FLT1: variants seen among roughly 807,000 people sequenced by gnomAD.
FLT1 encodes the protein fms related receptor tyrosine kinase 1.
A neutral mutation model predicts 156.3 loss-of-function variants in FLT1; 49 were observed. That is an observed-to-expected ratio of 0.31 (90% CI 0.25 to 0.40). FLT1 has a LOEUF of 0.40. FLT1 is among the 10% of genes least tolerant of loss of function. The probability of loss-of-function intolerance (pLI) is 1.00; values close to 1 mark genes in which losing one functional copy is unlikely to be tolerated. For missense variants in FLT1, 1,322 were observed against 1,637.2 expected (o/e 0.81, Z 3.32); for synonymous variants, 594 against 583.8 (o/e 1.02, Z -0.25).
At chr13:28,353,572 C>CAAAAA (rs34155046) in intron 15 of FLT1, among the ~76,000 whole-genome samples, 1 of 123,486 alleles carries the variant, frequency 8.1e-6, no homozygotes. Flanking sequence ...GACTGTGTCT[C>CAAAAA]AAAAAAAAAA....
intron 20 of FLT1, 75 bp downstream of exon 20, chr13:28,327,387 C>T: frequency 1.1e-6 from 1 of 901,266 alleles, no homozygotes; most frequent in Non-Finnish European, 1.9e-6. Context: ...ACAGGTTTCT[C>T]TTGCTTTATG....
chr13:28,479,592 C>G (rs757457272), intron 1 of FLT1, among the ~76,000 whole-genome samples: 3 of 152,116 alleles, frequency 2.0e-5, no homozygotes, highest in Non-Finnish European at 2.9e-5. Flanking sequence ...AAAAGTAATC[C>G]ATTAAAAGTA....
intron 29 of FLT1, 125 bp from the exon 30 acceptor site, chr13:28,303,493 C>CA: frequency 6.2e-6 from 2 of 321,400 alleles, no homozygotes; most frequent in Admixed American, 5.8e-5. Flanking sequence ...GGTTTTGGAA[C>CA]CCCCCCCCCC....
chr13:28,384,408 C>T (rs1885101146), intron 14 of FLT1, among the ~76,000 whole-genome samples: 1 of 138,610 alleles, frequency 7.2e-6, no homozygotes, highest in Non-Finnish European at 1.5e-5. Flanking sequence ...AAGATGGTGT[C>T]ACTGTACTCC....
rs1424677085 is a variant in FLT1, at chr13:28,329,716, G to T, written c.2606C>A (p.Ala869Asp). The stretch of plus-strand genomic sequence containing the variant: ...AGTCATCAGAGCTTTGTACTCGCTG[G>T]CCGTGGCCCCCTCTGTGTGAGAAGC... ...AVKMLKEGATASEYKALMTEL... is the reference protein window; with the variant it reads ...AVKMLKEGATDSEYKALMTEL... The change falls in exon 19 of 30, where the codon GCC (alanine) becomes GAC (aspartate). Residue 869 changes from alanine (A) to aspartate (D), a missense_variant. By Grantham distance (126) the Ala-to-Asp change is moderately radical (BLOSUM62 -2). Transcript: ENST00000282397. 7.4e-6 allele frequency: 12 copies of T among 1,613,800 alleles called. No homozygotes were observed. Among genetic ancestry groups the T allele is most frequent in the Non-Finnish European group, 9.3e-6 (11 of 1,179,854 alleles).
intron 25 of FLT1, among the ~76,000 whole-genome samples, chr13:28,313,635 G>C (rs866824916): frequency 4.6e-5 from 7 of 152,140 alleles, no homozygotes; most frequent in African/African-American, 1.4e-4. Context: ...AAAGAAGTCA[G>C]ACTGGTCTCC....
intron 3 of FLT1, among the ~76,000 whole-genome samples, chr13:28,450,323 G>C (rs1285785456): frequency 6.6e-6 from 1 of 152,212 alleles, no homozygotes; most frequent in Non-Finnish European, 1.5e-5. Context: ...ATCTCAGTGA[G>C]AGTGGAATGC....
chr13:28,443,466 A>T lies in FLT1; in HGVS notation c.389-5121T>A, dbSNP rs1428852189. On this transcript the variant is annotated intron_variant, in intron 3 of 29. Transcript: ENST00000282397. ...AAGTAAACAATGTTCAAAATTTAGG[A>T]CTTGTGACTTGAAGAGGAGTTCAAG... 4.6e-5 allele frequency among the ~76,000 whole-genome samples: 7 copies of T among 152,274 alleles called. No individual in the cohort carries two copies. The South Asian group carries it at 1.5e-3, about 32-fold the overall frequency.
chr13:28,310,978 G>A (rs1320946571), intron 27 of FLT1, among the ~76,000 whole-genome samples: 1 of 152,210 alleles, frequency 6.6e-6, no homozygotes, highest in African/African-American at 2.4e-5. Context: ...TAATTTTGGT[G>A]TGGTTTACAC....
At chr13:28,430,351 A>G (rs1877609687) in intron 7 of FLT1, among the ~76,000 whole-genome samples, 184 bp from the exon 8 acceptor site, 1 of 152,214 alleles carries the variant, frequency 6.6e-6, no homozygotes. Context: ...TAATTGGTGA[A>G]CGCCTTTCAA....
chr13:28,483,571 T>C (rs886941685), intron 1 of FLT1, among the ~76,000 whole-genome samples: 2 of 152,186 alleles, frequency 1.3e-5, no homozygotes, highest in African/African-American at 4.8e-5. Flanking sequence ...TGAAAAAGTG[T>C]CCTTCTCCGA....
chr13:28,310,557 A>T (rs1042963769), intron 27 of FLT1, among the ~76,000 whole-genome samples: 9 of 152,164 alleles, frequency 5.9e-5, no homozygotes, highest in Non-Finnish European at 8.8e-5. Flanking sequence ...TGTCTGTGTA[A>T]CCGTCATCCC....
chr13:28,426,130 CTTTTTTTT>C (rs113958200), intron 10 of FLT1, among the ~76,000 whole-genome samples: 1 of 131,124 alleles, frequency 7.6e-6, no homozygotes, highest in Non-Finnish European at 1.6e-5. Context: ...TCCTGTCAAT[CTTTTTTTT>C]TTTTTTTTTT....
intron 3 of FLT1, among the ~76,000 whole-genome samples, chr13:28,456,984 C>T (rs1434735831): frequency 6.6e-6 from 1 of 152,136 alleles, no homozygotes; most frequent in East Asian, 1.9e-4. Flanking sequence ...GGTGAACCCT[C>T]ATGTACACTT....
chr13:28,440,679 C>T (rs1878287790), intron 3 of FLT1, among the ~76,000 whole-genome samples: 1 of 152,116 alleles, frequency 6.6e-6, no homozygotes, highest in African/African-American at 2.4e-5. Context: ...GGGTTTAATC[C>T]TGGCTGTGGT....
Position 28,301,278 on chromosome 13 carries a change from C to T in FLT1, c.*1889G>A, listed in dbSNP as rs1389025957. On this transcript the variant is annotated 3_prime_UTR_variant, in exon 30 of 30. Transcript: ENST00000282397. ...ATTGCCAGCTGTCACAGGTGGTTTG[C>T]GTATGTAAAGAAGAGGAAGAACAAA... The T allele has an allele frequency of 5.0e-5, 11 of 221,812 alleles. No homozygotes were observed. The highest frequency in any genetic ancestry group is 8.6e-5 in the Non-Finnish European group (10 of 116,610). The allele number at this position is 221,812 out of a possible 1,614,324, so 13.7% of individuals were successfully genotyped here.
At chr13:28,419,591 A>G (rs1331400237) in intron 10 of FLT1, among the ~76,000 whole-genome samples, 4 of 152,190 alleles carry the variant, frequency 2.6e-5, no homozygotes, top group Non-Finnish European at 5.9e-5. Flanking sequence ...TATAAAAACC[A>G]TCCAGCGGCC....
intron 22 of FLT1, 45 bp from the exon 23 acceptor site, chr13:28,321,630 C>T (rs138809052): frequency 6.2e-7 from 1 of 1,604,456 alleles, no homozygotes; most frequent in Non-Finnish European, 8.5e-7. Context: ...CTTAACCTAA[C>T]CAACTAATTT....
intron 29 of FLT1, among the ~76,000 whole-genome samples, chr13:28,303,684 T>G (rs1398420737): frequency 6.6e-6 from 1 of 152,142 alleles, no homozygotes; most frequent in Non-Finnish European, 1.5e-5. Context: ...TCTCCTATTC[T>G]TGGGTCAAAC....
Sources: allele counts gnomAD v4.1 joint callset (sites outside exome capture counted in the v4.1 genomes callset), GRCh38; gene constraint gnomAD v4.1.1; transcripts MANE v1.5; gene names NCBI Gene and HGNC (gene_info 2026-07-23, HGNC 2026-07-21).